Variants in SDK1 observed in about 807,000 individuals in gnomAD.
SDK1 encodes the protein protein sidekick-1.
Under a neutral mutation model 245.5 loss-of-function variants are expected in SDK1, and 157 were observed. That is an observed-to-expected ratio of 0.64 (90% confidence interval 0.56 to 0.73). The LOEUF (loss-of-function observed/expected upper bound fraction) is 0.73. Ranked by LOEUF, SDK1 falls within the 30% of genes least tolerant of loss-of-function variation. The pLI is 0.00. For synonymous variants in SDK1, 1,647 were observed against 1,278.5 expected (o/e 1.29, Z -6.15); for missense variants, 3,583 against 3,002.3 (o/e 1.19, Z -4.52).
intron 1 of SDK1, among the ~76,000 whole-genome samples, chr7:3,318,736 A>G (rs1779723869): frequency 6.6e-6 from 1 of 152,184 alleles, no homozygotes; most frequent in African/African-American, 2.4e-5. Flanking sequence ...TTGACCTAGC[A>G]TAGCCCTTGC....
intron 25 of SDK1, among the ~76,000 whole-genome samples, chr7:4,114,893 C>G (rs1455096880): frequency 6.6e-6 from 1 of 152,164 alleles, no homozygotes; most frequent in Non-Finnish European, 1.5e-5. Context: ...AGGAGTGGAA[C>G]GTCACTCTGT....
At chr7:3,950,420 G>A (rs751388841) in intron 5 of SDK1, among the ~76,000 whole-genome samples, 12 of 152,306 alleles carry the variant, frequency 7.9e-5, no homozygotes, top group South Asian at 2.1e-4. Flanking sequence ...CGTCAACCAT[G>A]GTCCGAAAAT....
At chr7:3,330,807 TAAAAAAAA>T (rs35013618) in intron 1 of SDK1, among the ~76,000 whole-genome samples, 5 of 115,374 alleles carry the variant, frequency 4.3e-5, no homozygotes, top group African/African-American at 6.5e-5. Context: ...CCATTTCGCT[TAAAAAAAA>T]AAAAAAAAAA....
Position 3,642,089 on chromosome 7 carries a change from A to C in SDK1, c.697A>C (p.Ile233Leu), listed in dbSNP as rs370417123. Residue 233 changes from isoleucine (I) to leucine (L), a missense_variant, in exon 4 of 45, where the codon ATT becomes CTT. Transcript: ENST00000404826. ...VTWFREGHKI[I>L]PSNRIAITLE... ...TTGGTTTAGAGAAGGGCACAAGATTATTCCAAGCAACAGAATGTAAGTTGC... is the reference window on the plus strand; with the variant it reads ...TTGGTTTAGAGAAGGGCACAAGATTCTTCCAAGCAACAGAATGTAAGTTGC... The C allele has an allele frequency of 1.6e-4, 265 of 1,613,984 alleles. No individual in the cohort carries two copies. The highest frequency in any genetic ancestry group is 2.2e-4 in the Non-Finnish European group (258 of 1,180,000).
intron 5 of SDK1, among the ~76,000 whole-genome samples, chr7:3,876,414 C>G (rs1391153021): frequency 6.6e-6 from 1 of 152,178 alleles, no homozygotes; most frequent in Non-Finnish European, 1.5e-5. Flanking sequence ...ATCACATCAA[C>G]TTCTTGGGAC....
At chr7:3,679,427 C>T (rs1279687334) in intron 4 of SDK1, among the ~76,000 whole-genome samples, 5 of 152,196 alleles carry the variant, frequency 3.3e-5, no homozygotes, top group South Asian at 2.1e-4. Flanking sequence ...ATTAGCCGGG[C>T]GCGGTGGCGG....
In SDK1 at chr7:3,698,949, C is replaced by T. The variant is rs185379150; in HGVS notation, c.713+56844C>T. ...AGGATCAGTCTATAATAACCTCCTACCCAGGAGAGACATCAGCAGAGAGGC... is the reference window on the plus strand; with the variant it reads ...AGGATCAGTCTATAATAACCTCCTATCCAGGAGAGACATCAGCAGAGAGGC... On this transcript the variant is annotated intron_variant, in intron 4 of 44. Coordinates refer to ENST00000404826, the MANE Select transcript of SDK1 (RefSeq NM_152744.4). Among the ~76,000 whole-genome samples the T allele has an allele frequency of 5.9e-5, 9 of 152,274 alleles. No homozygotes were observed. The East Asian group carries it at 1.7e-3, about 29-fold the overall frequency.
intron 1 of SDK1, among the ~76,000 whole-genome samples, chr7:3,527,386 C>T (rs1783176468): frequency 6.6e-6 from 1 of 152,078 alleles, no homozygotes; most frequent in Non-Finnish European, 1.5e-5. Context: ...GTGCTGTGGT[C>T]ATGGAAGGCC....
intron 30 of SDK1, among the ~76,000 whole-genome samples, chr7:4,149,803 G>C (rs1780233216): frequency 6.6e-6 from 1 of 152,194 alleles, no homozygotes; most frequent in Admixed American, 6.5e-5. Flanking sequence ...GGCTGGCAAT[G>C]GGGAGGGGAC....
chr7:3,692,108 A>G (rs1784454193), intron 4 of SDK1, among the ~76,000 whole-genome samples: 2 of 152,206 alleles, frequency 1.3e-5, no homozygotes, highest in Admixed American at 6.5e-5. Context: ...GAGTTGGAAG[A>G]CAGACATTAA....
chr7:3,327,045 G>C (rs1779956312), intron 1 of SDK1, among the ~76,000 whole-genome samples: 1 of 152,192 alleles, frequency 6.6e-6, no homozygotes. Flanking sequence ...TCTTAAGTCA[G>C]ATGTAAAGAT....
At chr7:4,212,511 A>G (rs1584458455) in intron 38 of SDK1, among the ~76,000 whole-genome samples, 2 of 152,288 alleles carry the variant, frequency 1.3e-5, no homozygotes, top group East Asian at 3.9e-4. Flanking sequence ...CAGAGAGGGC[A>G]TGGGAGGGAC....
chr7:3,634,048 G>C (rs142377967), intron 2 of SDK1, among the ~76,000 whole-genome samples: 1 of 152,268 alleles, frequency 6.6e-6, no homozygotes, highest in East Asian at 1.9e-4. Flanking sequence ...ACCAACCCCA[G>C]ATTTAAAAAT....
chr7:3,540,767 C>A (rs565128348), intron 1 of SDK1, among the ~76,000 whole-genome samples: 6 of 152,048 alleles, frequency 3.9e-5, no homozygotes, highest in Non-Finnish European at 7.4e-5. Context: ...AGAAAAGAGT[C>A]CAAGATCATA....
intron 10 of SDK1, 100 bp from the exon 11 acceptor site, chr7:3,969,157 C>T (rs1056651703): frequency 3.2e-5 from 36 of 1,112,254 alleles, no homozygotes; most frequent in Middle Eastern, 2.1e-4. Context: ...GGTGGGGACA[C>T]GGAGCCGAAC....
chr7:4,002,841 G>A (rs548950047), intron 14 of SDK1, among the ~76,000 whole-genome samples: 5 of 152,328 alleles, frequency 3.3e-5, no homozygotes, highest in Admixed American at 2.0e-4. Context: ...AAAATTGAAA[G>A]AGCCTCTGCT....
At chr7:3,958,072 A>G (rs1277775816) in intron 7 of SDK1, 1 of 464,866 alleles carries the variant, frequency 2.2e-6, no homozygotes, top group Non-Finnish European at 4.4e-6. Context: ...CAGTCAATAT[A>G]GGAGGCATGC....
chr7:4,220,357 G>C (rs13224208), intron 39 of SDK1, 87 bp downstream of exon 39: 811,179 of 1,411,316 alleles, frequency 0.57, 238,194 homozygotes, highest in African/African-American at 0.82. Flanking sequence ...CATCTACATG[G>C]TCAACAAGGT....
intron 5 of SDK1, among the ~76,000 whole-genome samples, chr7:3,903,806 G>A (rs961169674): frequency 1.3e-5 from 2 of 152,162 alleles, no homozygotes; most frequent in African/African-American, 2.4e-5. Flanking sequence ...TTGGGTCACG[G>A]AAGTGGGTCC....
Sources: gnomAD v4.1 joint callset for allele counts (sites outside exome capture counted in the v4.1 genomes callset) on GRCh38, gnomAD v4.1.1 for gene constraint, MANE v1.5 for transcripts, NCBI Gene and HGNC (gene_info 2026-07-23, HGNC 2026-07-21) for gene names.